The following ADCY2 variants were observed in gnomAD, a reference collection of about 807,000 sequenced individuals.
ADCY2 encodes the protein adenylate cyclase 2.
In ADCY2, 31 loss-of-function variants were observed where a neutral mutation model predicts 125.2. That is an observed-to-expected ratio of 0.25 (90% CI 0.19 to 0.33). ADCY2 has a LOEUF of 0.33. Ranked by LOEUF, ADCY2 falls within the 10% of genes least tolerant of loss-of-function variation. The probability of loss-of-function intolerance (pLI) is 1.00; values close to 1 mark genes in which losing one functional copy is unlikely to be tolerated. For synonymous variants in ADCY2, 512 were observed against 548.4 expected (o/e 0.93, Z 0.93); for missense variants, 904 against 1,418.2 (o/e 0.64, Z 5.82).
At chr5:7,778,833 C>A (rs1276512776) in intron 18 of ADCY2, among the ~76,000 whole-genome samples, 2 of 152,222 alleles carry the variant, frequency 1.3e-5, no homozygotes, top group Non-Finnish European at 2.9e-5. Context: ...CTATCCCACA[C>A]AGGAAAGGTC....
intron 23 of ADCY2, among the ~76,000 whole-genome samples, chr5:7,820,203 G>A (rs928020744): frequency 6.6e-6 from 1 of 152,106 alleles, no homozygotes; most frequent in Admixed American, 6.5e-5. Context: ...TTGCAAAGGG[G>A]AAGCTTTGGC....
intron 2 of ADCY2, among the ~76,000 whole-genome samples, chr5:7,461,143 G>T (rs1421618819): frequency 2.0e-5 from 3 of 152,080 alleles, no homozygotes; most frequent in Non-Finnish European, 4.4e-5. Flanking sequence ...TGGGATGAGG[G>T]TTCTCTCTGT....
At chr5:7,757,766 C>A (rs767962785) in intron 16 of ADCY2, among the ~76,000 whole-genome samples, 180 bp downstream of exon 16, 1 of 152,136 alleles carries the variant, frequency 6.6e-6, no homozygotes, top group Non-Finnish European at 1.5e-5. Context: ...TTCTTCCCTT[C>A]TGGGACCTGT....
chr5:7,814,871 C>A (rs1745059740), intron 22 of ADCY2, among the ~76,000 whole-genome samples: 1 of 152,190 alleles, frequency 6.6e-6, no homozygotes, highest in Admixed American at 6.5e-5. Flanking sequence ...GAAGTCACTG[C>A]CTAAGGCCCG....
chr5:7,557,775 T>C (rs1329138952), intron 3 of ADCY2, among the ~76,000 whole-genome samples: 1 of 152,206 alleles, frequency 6.6e-6, no homozygotes, highest in African/African-American at 2.4e-5. Context: ...TGGTGGGCGT[T>C]TAGGTTGATT....
intron 2 of ADCY2, among the ~76,000 whole-genome samples, chr5:7,422,535 C>G (rs184949377): frequency 1.2e-4 from 18 of 152,296 alleles, no homozygotes; most frequent in East Asian, 1.2e-3. Flanking sequence ...GCATCTGACT[C>G]CAGCTTTCTG....
chr5:7,443,486 A>G (rs866367403), intron 2 of ADCY2, among the ~76,000 whole-genome samples: 1 of 151,674 alleles, frequency 6.6e-6, no homozygotes, highest in African/African-American at 2.4e-5. Flanking sequence ...TAAAAATACA[A>G]AAAATTAGCT....
chr5:7,530,988 G>C (rs1255416380), intron 3 of ADCY2, among the ~76,000 whole-genome samples: 1 of 152,076 alleles, frequency 6.6e-6, no homozygotes, highest in Non-Finnish European at 1.5e-5. Flanking sequence ...CCTCAGTCAT[G>C]GCTGAACTTC....
chr5:7,690,960 GAAAT>G, intron 5 of ADCY2, 121 bp downstream of exon 5: 1 of 1,182,904 alleles, frequency 8.5e-7, no homozygotes, highest in South Asian at 2.2e-5. Context: ...CTTTGCAGGG[GAAAT>G]AATCACACAG....
At chr5:7,627,633 A>G (rs1738178405) in intron 4 of ADCY2, among the ~76,000 whole-genome samples, 1 of 152,202 alleles carries the variant, frequency 6.6e-6, no homozygotes, top group Non-Finnish European at 1.5e-5. Flanking sequence ...GTGAAGTTGT[A>G]TTGAGTTAGT....
At position 7,473,074 on chromosome 5, in the gene ADCY2, G is replaced by A. The variant is rs150692292; in HGVS notation, c.409-47664G>A. Among the ~76,000 whole-genome samples the A allele has an allele frequency of 2.6e-3, 391 of 151,988 alleles. 1 individual carries two copies. The highest frequency in any genetic ancestry group is 4.3e-3 in the Non-Finnish European group (293 of 67,980). On this transcript the variant is annotated intron_variant, in intron 2 of 24. Transcript: ENST00000338316. ...GAACCCTGGGATGGGTTTCTCAGTG[G>A]TCCTGCACCTCCCCCAGCATAAGGC... is the stretch of plus-strand genomic sequence containing the variant.
At chr5:7,740,695 A>G (rs1388322763) in intron 14 of ADCY2, among the ~76,000 whole-genome samples, 3 of 152,120 alleles carry the variant, frequency 2.0e-5, no homozygotes, top group Non-Finnish European at 4.4e-5. Flanking sequence ...TTTAAAATTC[A>G]GACTTCTGAG....
chr5:7,738,550 G>A (rs1742314974), intron 14 of ADCY2, among the ~76,000 whole-genome samples: 1 of 151,908 alleles, frequency 6.6e-6, no homozygotes, highest in Non-Finnish European at 1.5e-5. Flanking sequence ...GATAGCCAGA[G>A]GGTAAGATTA....
At chr5:7,664,966 A>G (rs900180569) in intron 4 of ADCY2, among the ~76,000 whole-genome samples, 1 of 152,214 alleles carries the variant, frequency 6.6e-6, no homozygotes, top group East Asian at 1.9e-4. Flanking sequence ...AAATTTACCT[A>G]TAGCCTGGGA....
chr5:7,670,118 T>G (rs1265440815), intron 4 of ADCY2, among the ~76,000 whole-genome samples: 1 of 152,232 alleles, frequency 6.6e-6, no homozygotes, highest in Non-Finnish European at 1.5e-5. Context: ...TTTCATTCAT[T>G]GCCCAGTATA....
Position 7,757,320 on chromosome 5 carries a change from G to A in ADCY2, c.1957-129G>A, listed in dbSNP as rs576744280. 8 of 1,198,916 alleles carry A rather than the reference G, an allele frequency of 6.7e-6. 1 individual carries two copies. In the South Asian group the frequency reaches 1.1e-4, roughly 16 times the overall value. The allele number at this position is 1,198,916 out of a possible 1,614,324, so 74.3% of individuals were successfully genotyped here. A position where few individuals can be genotyped will look rare whatever the true frequency, so the allele number is the denominator to read the frequency against. Reference sequence around the variant, plus strand: ...TGACTTCGTATGGGTCCCCAGGGGAGGATAGAATCTACATGTTTAGTCTAT... The same window carrying A: ...TGACTTCGTATGGGTCCCCAGGGGAAGATAGAATCTACATGTTTAGTCTAT... On this transcript the variant is annotated intron_variant, in intron 15 of 24. Transcript: ENST00000338316.
rs534051759 is a variant in ADCY2 at position 7,689,296 on chromosome 5, C to A, written c.721-1395C>A. Among the ~76,000 whole-genome samples, 417 of 152,290 alleles carry A rather than the reference C, an allele frequency of 2.7e-3. 1 individual carries two copies. The highest frequency in any genetic ancestry group is 4.7e-3 in the Non-Finnish European group (322 of 68,030). On this transcript the variant is annotated intron_variant, in intron 4 of 24. Transcript: ENST00000338316. ...TTGGGAAACAAAAGGGCAACTGAAG[C>A]AGAGCAGTCTCTGCAGCCTTCTTTA...
intron 18 of ADCY2, among the ~76,000 whole-genome samples, chr5:7,782,673 CA>C (rs779457593): frequency 3.3e-5 from 5 of 152,190 alleles, no homozygotes; most frequent in Non-Finnish European, 4.4e-5. Flanking sequence ...AAGCAGCATG[CA>C]AATTAAAAAC....
chr5:7,641,421 G>GT (rs1251524451), intron 4 of ADCY2, among the ~76,000 whole-genome samples: 2 of 151,954 alleles, frequency 1.3e-5, no homozygotes, highest in Non-Finnish European at 1.5e-5. Flanking sequence ...ATGTGAAGCT[G>GT]TTTTTTCTCT....
Sources: allele counts gnomAD v4.1 joint callset (sites outside exome capture counted in the v4.1 genomes callset), GRCh38; gene constraint gnomAD v4.1.1; transcripts MANE v1.5; gene names NCBI Gene and HGNC (gene_info 2026-07-23, HGNC 2026-07-21).